Variants in EXOC4 observed in about 807,000 individuals in gnomAD.
EXOC4 encodes the protein SEC8-like 1.
EXOC4 carries 71 observed loss-of-function variants against 107.2 expected under a neutral mutation model. The observed-to-expected ratio is 0.66, with a 90% confidence interval of 0.55 to 0.81. The LOEUF (loss-of-function observed/expected upper bound fraction) is 0.81, where lower values mean the gene tolerates loss of function less well. Ranked by LOEUF, EXOC4 falls within the 30% of genes least tolerant of loss-of-function variation. The pLI, the probability that EXOC4 is intolerant of heterozygous loss-of-function variation, is 0.00. For synonymous variants in EXOC4, 456 were observed against 441.2 expected (o/e 1.03, Z -0.42); for missense variants, 1,108 against 1,189.6 (o/e 0.93, Z 1.01).
intron 15 of EXOC4, among the ~76,000 whole-genome samples, chr7:134,003,498 G>A (rs539809762): frequency 3.9e-5 from 6 of 152,260 alleles, no homozygotes; most frequent in Admixed American, 1.3e-4. Context: ...AAGCGTGGTC[G>A]CATCATTAGA....
chr7:133,544,160 A>T (rs1236289669), intron 9 of EXOC4, among the ~76,000 whole-genome samples: 2 of 152,126 alleles, frequency 1.3e-5, no homozygotes, highest in African/African-American at 4.8e-5. Context: ...AAGATTCCTC[A>T]CCATCTATAC....
chr7:133,686,279 T>C (rs1794296705), intron 10 of EXOC4, among the ~76,000 whole-genome samples: 2 of 152,332 alleles, frequency 1.3e-5, no homozygotes, highest in South Asian at 4.1e-4. Flanking sequence ...TTAGGTATTA[T>C]AAGCAACAGA....
chr7:133,284,992 T>C (rs1584778022), intron 2 of EXOC4, among the ~76,000 whole-genome samples: 1 of 152,210 alleles, frequency 6.6e-6, no homozygotes, highest in Admixed American at 6.5e-5. Context: ...TCTAATAGTA[T>C]GCTTGTGCTG....
intron 7 of EXOC4, among the ~76,000 whole-genome samples, chr7:133,393,593 A>G (rs1796902850): frequency 6.6e-6 from 1 of 152,182 alleles, no homozygotes; most frequent in Admixed American, 6.5e-5. Context: ...TTAAGTCATG[A>G]TAGCAGAGCC....
chr7:133,754,468 T>C (rs1466868848), intron 10 of EXOC4, among the ~76,000 whole-genome samples: 1 of 152,144 alleles, frequency 6.6e-6, no homozygotes, highest in Non-Finnish European at 1.5e-5. Context: ...ACCATGTCAG[T>C]AGTGGAACTA....
chr7:133,312,698 T>C (rs572263281), intron 4 of EXOC4, among the ~76,000 whole-genome samples: 23 of 152,140 alleles, frequency 1.5e-4, no homozygotes, highest in African/African-American at 5.3e-4. Context: ...GGACAGACAC[T>C]CATTTTTAAA....
chr7:133,424,163 G>C (rs1797669152), intron 7 of EXOC4, among the ~76,000 whole-genome samples: 1 of 152,158 alleles, frequency 6.6e-6, no homozygotes, highest in South Asian at 2.1e-4. Flanking sequence ...ACAGCAACCT[G>C]GTGGGGTCAC....
chr7:133,289,192 G>T (rs938424864), intron 3 of EXOC4, 76 bp downstream of exon 3: 4 of 1,287,074 alleles, frequency 3.1e-6, no homozygotes, highest in South Asian at 1.4e-5. Context: ...TCTGAATCCT[G>T]TAATGCATGT....
At chr7:133,457,108 G>A (rs1193200675) in intron 7 of EXOC4, among the ~76,000 whole-genome samples, 1 of 152,150 alleles carries the variant, frequency 6.6e-6, no homozygotes, top group East Asian at 1.9e-4. Context: ...TTTGTGTTGG[G>A]CCTTGAAAGG....
At chr7:133,772,518 T>C (rs1463600349) in intron 10 of EXOC4, among the ~76,000 whole-genome samples, 1 of 52,778 alleles carries the variant, frequency 1.9e-5, no homozygotes, top group Non-Finnish European at 3.9e-5. Context: ...ACCCTAAAAC[T>C]TAAAGTATAA....
At chr7:133,728,968 A>G (rs1795271835) in intron 10 of EXOC4, among the ~76,000 whole-genome samples, 1 of 152,190 alleles carries the variant, frequency 6.6e-6, no homozygotes, top group Admixed American at 6.5e-5. Flanking sequence ...TTTCTGTGAC[A>G]GTATATACTG....
chr7:133,684,699 TTA>T, intron 10 of EXOC4, among the ~76,000 whole-genome samples: 1 of 152,274 alleles, frequency 6.6e-6, no homozygotes, highest in Non-Finnish European at 1.5e-5. Flanking sequence ...TTGACCTTCT[TTA>T]GAGAGTAAGC....
intron 9 of EXOC4, among the ~76,000 whole-genome samples, chr7:133,499,359 C>A (rs540916522): frequency 6.6e-6 from 1 of 152,164 alleles, no homozygotes; most frequent in African/African-American, 2.4e-5. Flanking sequence ...TATTATTAAA[C>A]AAATGCCTGA....
chr7:133,623,381 A>G (rs1441199163), intron 9 of EXOC4, among the ~76,000 whole-genome samples: 2 of 152,216 alleles, frequency 1.3e-5, no homozygotes, highest in African/African-American at 2.4e-5. Context: ...AACTTTATGT[A>G]AAAACATAAT....
intron 9 of EXOC4, among the ~76,000 whole-genome samples, chr7:133,541,871 C>G (rs1441752539): frequency 6.6e-6 from 1 of 151,918 alleles, no homozygotes; most frequent in Admixed American, 6.6e-5. Context: ...AAGTTTTCCC[C>G]AGGCACTGTA....
chr7:133,862,830 C>T (rs1228419621), intron 11 of EXOC4, among the ~76,000 whole-genome samples: 1 of 150,870 alleles, frequency 6.6e-6, no homozygotes, highest in Non-Finnish European at 1.5e-5. Flanking sequence ...GGCAATGTGA[C>T]AGATTTATGT....
intron 7 of EXOC4, among the ~76,000 whole-genome samples, chr7:133,385,320 C>T (rs1796704583): frequency 6.6e-6 from 1 of 152,094 alleles, no homozygotes; most frequent in Non-Finnish European, 1.5e-5. Flanking sequence ...TCGTTGTGGA[C>T]TTTGTAAGTT....
At chr7:133,682,875 G>A (rs2991240) in intron 10 of EXOC4, among the ~76,000 whole-genome samples, 150,331 of 152,316 alleles carry the variant, frequency 0.99, 74,226 homozygotes, top group Middle Eastern at 1. Flanking sequence ...GTACCGATAC[G>A]TGCTTTTGAA....
At chr7:134,015,873 CAAAAAA>C (rs55846835) in intron 17 of EXOC4, among the ~76,000 whole-genome samples, 4 of 109,716 alleles carry the variant, frequency 3.6e-5, no homozygotes, top group Non-Finnish European at 7.4e-5. Context: ...GACTCCGTCT[CAAAAAA>C]AAAAAAAAAA....
Sources: allele counts gnomAD v4.1 joint callset (sites outside exome capture counted in the v4.1 genomes callset), GRCh38; gene constraint gnomAD v4.1.1; transcripts MANE v1.5; gene names NCBI Gene and HGNC (gene_info 2026-07-23, HGNC 2026-07-21).